Variants in AAK1 observed in about 807,000 individuals in gnomAD.
AAK1 encodes AP2 associated kinase 1, also known as AP2-associated protein kinase 1.
Under a neutral mutation model 116.0 loss-of-function variants are expected in AAK1, and 37 were observed. The observed-to-expected ratio is 0.32, with a 90% confidence interval of 0.25 to 0.42. The LOEUF is 0.42. AAK1 is among the 10% of genes least tolerant of loss of function. The pLI is 1.00. For missense variants in AAK1, 919 were observed against 1,170.6 expected, an observed-to-expected ratio of 0.79 and a Z score of 3.14; for synonymous variants, 458 against 439.9, an observed-to-expected ratio of 1.04 and a Z score of -0.51.
rs1307820509 is a variant in AAK1 at position 69,459,456 on chromosome 2, G to C, written c.*16413C>G. The stretch of plus-strand genomic sequence containing the variant: ...TTTTTGTATTTTTTGTAGAGACAAG[G>C]TTTTGCCATGTTGCCCAGGTTGGTC... On this transcript the variant is annotated 3_prime_UTR_variant, in exon 22 of 22. Transcript: ENST00000409085. 1 of 152,228 alleles carries C rather than the reference G, an allele frequency of 6.6e-6. No individual in the cohort carries two copies. Among genetic ancestry groups the C allele is most frequent in the Non-Finnish European group, 1.5e-5 (1 of 68,198 alleles). The allele number at this position is 152,228 out of a possible 1,614,324, so 9.4% of individuals were successfully genotyped here.
intron 5 of AAK1, among the ~76,000 whole-genome samples, chr2:69,537,009 C>A (rs1398226834): frequency 6.6e-6 from 1 of 152,140 alleles, no homozygotes; most frequent in Non-Finnish European, 1.5e-5. Context: ...AGTGCTTGGA[C>A]AAATAGCATG....
intron 2 of AAK1, among the ~76,000 whole-genome samples, chr2:69,604,047 G>A (rs1673693280): frequency 6.6e-6 from 1 of 152,184 alleles, no homozygotes. Context: ...CTGAAACTCG[G>A]TTAGTTAGAG....
At chr2:69,565,775 T>C (rs934177389) in intron 2 of AAK1, among the ~76,000 whole-genome samples, 4 of 151,706 alleles carry the variant, frequency 2.6e-5, no homozygotes, top group Admixed American at 2.0e-4. Flanking sequence ...GGTAAGAACC[T>C]GGGTGCACTA....
chr2:69,587,817 G>A (rs1452545929), intron 2 of AAK1, among the ~76,000 whole-genome samples: 10 of 151,952 alleles, frequency 6.6e-5, no homozygotes. Flanking sequence ...TTACTATGTT[G>A]CTCAGGCTGG....
rs756733933 is a variant in AAK1, at chr2:69,470,212, T to A, written c.*5657A>T. 1 of 985,434 alleles carries A rather than the reference T, an allele frequency of 1.0e-6. No individual in the cohort carries two copies. The highest frequency in any genetic ancestry group is 1.1e-4 in the East Asian group (1 of 8,822). The allele number at this position is 985,434 out of a possible 1,614,324, so 61.0% of individuals were successfully genotyped here. A position where few individuals can be genotyped will look rare whatever the true frequency, so the allele number is the denominator to read the frequency against. ...ACGGTTACAGGGAGTATCAAAGATA[T>A]GATTCTTGCCAAAAACAGAAAACGA... On this transcript the variant is annotated 3_prime_UTR_variant, in exon 22 of 22. Transcript: ENST00000409085.
chr2:69,629,910 C>T (rs188475812), intron 2 of AAK1, among the ~76,000 whole-genome samples: 3 of 152,222 alleles, frequency 2.0e-5, no homozygotes, highest in East Asian at 3.9e-4. Flanking sequence ...CAAAAAAAGA[C>T]AGGCATCCAG....
chr2:69,512,650 C>G (rs1676434800), intron 13 of AAK1, among the ~76,000 whole-genome samples: 1 of 152,230 alleles, frequency 6.6e-6, no homozygotes, highest in African/African-American at 2.4e-5. Flanking sequence ...AAGGATGGGT[C>G]AAAGCTGAGA....
intron 2 of AAK1, among the ~76,000 whole-genome samples, chr2:69,576,580 G>A (rs907954688): frequency 6.6e-6 from 1 of 152,102 alleles, no homozygotes; most frequent in Non-Finnish European, 1.5e-5. Flanking sequence ...CCACTTACAA[G>A]TGAGAACATG....
intron 2 of AAK1, among the ~76,000 whole-genome samples, chr2:69,602,057 G>T (rs1338860185): frequency 6.6e-6 from 1 of 152,092 alleles, no homozygotes; most frequent in Non-Finnish European, 1.5e-5. Context: ...TTAAATCTAA[G>T]CACAGGGAAC....
intron 2 of AAK1, chr2:69,594,623 C>T (rs988887387): frequency 5.7e-6 from 3 of 521,810 alleles, no homozygotes; most frequent in African/African-American, 1.9e-5. Context: ...AGTGAGGCCT[C>T]TTGTACCAAA....
rs1674262891 is a variant in AAK1, at chr2:69,458,385, C to A, written c.*17484G>T. 1 of 152,618 alleles carries A rather than the reference C, an allele frequency of 6.6e-6. No homozygotes were observed. Among genetic ancestry groups the A allele is most frequent in the South Asian group, 2.1e-4 (1 of 4,826 alleles). 9.5% of individuals were successfully genotyped at this position (152,618 alleles called of 1,614,324 possible). On this transcript the variant is annotated 3_prime_UTR_variant, in exon 22 of 22. Transcript: ENST00000409085. ...TAACAAATGACATTAAATGTTCCCT[C>A]ATTCAAAACATCTTGTGGGCCTTGT...
chr2:69,628,209 G>T (rs1046485770), intron 2 of AAK1, among the ~76,000 whole-genome samples: 7 of 152,246 alleles, frequency 4.6e-5, no homozygotes, highest in Middle Eastern at 3.4e-3. Flanking sequence ...ACTTTGGGAG[G>T]CCGAGGTGGG....
intron 2 of AAK1, among the ~76,000 whole-genome samples, chr2:69,568,627 T>C (rs1671974988): frequency 6.6e-6 from 1 of 151,966 alleles, no homozygotes; most frequent in Non-Finnish European, 1.5e-5. Flanking sequence ...GACAGGATCC[T>C]GCTATGTTGC....
chr2:69,492,822 C>A (rs1675583522), intron 17 of AAK1, among the ~76,000 whole-genome samples: 1 of 151,980 alleles, frequency 6.6e-6, no homozygotes, highest in African/African-American at 2.4e-5. Context: ...CCACGCCCAG[C>A]CTTTCATGAT....
rs1676521132 is a variant in AAK1 at position 69,514,846 on chromosome 2, A to G, written c.1498-97T>C. On this transcript the variant is annotated intron_variant, in intron 12 of 21. Transcript: ENST00000409085. ...AACAATGAAGACCAGTGCTAAAGCC[A>G]AAGGCAAGGGCAAGTAGAAAAGTCT... The G allele has an allele frequency of 2.2e-6, 3 of 1,365,134 alleles. No individual in the cohort carries two copies. In the African/African-American group the frequency reaches 4.4e-5, roughly 20 times the overall value. The allele number at this position is 1,365,134 out of a possible 1,614,324, so 84.6% of individuals were successfully genotyped here.
rs1246327367 is a variant in AAK1, at chr2:69,465,787, C to T, written c.*10082G>A. The T allele has an allele frequency of 7.7e-7, 1 of 1,290,838 alleles. No homozygotes were observed. The highest frequency in any genetic ancestry group is 1.2e-5 in the South Asian group (1 of 81,024). The allele number at this position is 1,290,838 out of a possible 1,614,324, so 80.0% of individuals were successfully genotyped here. On this transcript the variant is annotated 3_prime_UTR_variant, in exon 22 of 22. Transcript: ENST00000409085. ...CTGTCCAGATGGTCTGCTGCTTGTA[C>T]AGAATGGGACAGGAGGTTAGACTGT...
At position 69,478,974 on chromosome 2, in the gene AAK1, G is replaced by A. The variant is rs1166491920; in HGVS notation, c.2657C>T (p.Ala886Val). ...ACCTTTATGGACTGGAGCAGAGATT[G>A]CTGTGGGGGCAAACTCTTCCAGAAG... Reference protein sequence around the residue: ...TDLLEEFAPTAISAPVHKAAE... With the variant: ...TDLLEEFAPTVISAPVHKAAE... The change falls in exon 20 of 22, where the codon GCA (alanine) becomes GTA (valine). Residue 886 changes from alanine (A) to valine (V), a missense_variant. Physicochemically the swap from Ala to Val is moderately conservative, Grantham distance 64. Transcript: ENST00000409085. 8 of 1,613,336 alleles carry A rather than the reference G, an allele frequency of 5.0e-6. No homozygotes were observed. Among genetic ancestry groups the A allele is most frequent in the Non-Finnish European group, 6.8e-6 (8 of 1,179,294 alleles).
chr2:69,488,280 C>T lies in AAK1; in HGVS notation c.2366-5468G>A, dbSNP rs1027580026. Among the ~76,000 whole-genome samples the T allele has an allele frequency of 5.3e-5, 8 of 151,886 alleles. No individual in the cohort carries two copies. The South Asian group carries it at 1.0e-3, about 20-fold the overall frequency. ...CCAAACCTCAGCATCATGCTATGTA[C>T]CCAGGTAACAAACATGCACACGTAT... On this transcript the variant is annotated intron_variant, in intron 17 of 21. Coordinates refer to ENST00000409085, the MANE Select transcript of AAK1 (RefSeq NM_014911.5).
chr2:69,466,467 T>A lies in AAK1; in HGVS notation c.*9402A>T. 7.8e-7 allele frequency: 1 copy of A among 1,283,540 alleles called. No homozygotes were observed. The highest frequency in any genetic ancestry group is 5.6e-5 in the East Asian group (1 of 17,880). 79.5% of individuals were successfully genotyped at this position (1,283,540 alleles called of 1,614,324 possible). On this transcript the variant is annotated 3_prime_UTR_variant, in exon 22 of 22. Transcript: ENST00000409085. ...GCCAGGTACTCTGGAGGGGTCTGGA[T>A]ACAGCGGAAGGCCTTTAACACCCAG...
Sources: allele counts gnomAD v4.1 joint callset (sites outside exome capture counted in the v4.1 genomes callset), GRCh38; gene constraint gnomAD v4.1.1; transcripts MANE v1.5; gene names NCBI Gene and HGNC (gene_info 2026-07-23, HGNC 2026-07-21).